C2CD3: variants seen among roughly 807,000 people sequenced by gnomAD.
C2CD3 encodes C2 domain-containing protein 3.
Under a neutral mutation model 234.0 loss-of-function variants are expected in C2CD3, and 148 were observed. The observed-to-expected ratio is 0.63, with a 90% CI of 0.55 to 0.72. The LOEUF (loss-of-function observed/expected upper bound fraction) is 0.72. C2CD3 is among the 30% of genes least tolerant of loss of function. C2CD3 has a pLI of 0.00. For missense variants in C2CD3, 2,577 were observed against 2,811.5 expected (o/e 0.92, Z 1.89); for synonymous variants, 1,000 against 1,035.4 (o/e 0.97, Z 0.66).
At chr11:74,122,187 G>T (rs146319221) in intron 8 of C2CD3, among the ~76,000 whole-genome samples, 313 of 152,266 alleles carry the variant, frequency 2.1e-3, no homozygotes, top group African/African-American at 6.9e-3. Flanking sequence ...TTCTGCACAG[G>T]TCATTCTTTC....
chr11:74,150,907 T>TTTTC (rs750844856), intron 3 of C2CD3, among the ~76,000 whole-genome samples: 8 of 151,932 alleles, frequency 5.3e-5, no homozygotes, highest in South Asian at 4.2e-4. Context: ...ACAGGAGACT[T>TTTTC]TTTCTTTCTT....
chr11:74,170,988 C>A lies in C2CD3; in HGVS notation c.-196G>T, dbSNP rs111423308. The A allele has an allele frequency of 7.9e-7, 1 of 1,269,760 alleles. No homozygotes were observed. The highest frequency in any genetic ancestry group is 1.4e-5 in the South Asian group (1 of 73,954). 78.7% of individuals were successfully genotyped at this position (1,269,760 alleles called of 1,614,324 possible). A position where few individuals can be genotyped will look rare whatever the true frequency, so the allele number is the denominator to read the frequency against. ...GAAGAGAAGGCGCCAAGACGCCTTC[C>A]CTCCAATACACTACAATACCCAGGA... On this transcript the variant is annotated 5_prime_UTR_variant, in exon 1 of 33. Transcript: ENST00000334126.
chr11:74,151,091 A>G (rs1212704044), intron 3 of C2CD3, among the ~76,000 whole-genome samples: 1 of 151,640 alleles, frequency 6.6e-6, no homozygotes, highest in East Asian at 1.9e-4. Context: ...ACACCCAGCT[A>G]ATTTTTGTAT....
rs912034826 is a variant in C2CD3 at position 74,087,836 on chromosome 11, G to A, written c.3642-1950C>T. On this transcript the variant is annotated intron_variant, in intron 20 of 32. Coordinates refer to ENST00000334126, the MANE Select transcript of C2CD3 (RefSeq NM_001286577.2). Reference sequence around the variant, plus strand: ...AGTAGCCTCAATTCCTTAGCTTCACGGCATTTAAAGACTACTGGCTATGTC... The same window carrying A: ...AGTAGCCTCAATTCCTTAGCTTCACAGCATTTAAAGACTACTGGCTATGTC... Among the ~76,000 whole-genome samples the A allele has an allele frequency of 3.2e-4, 49 of 152,084 alleles. 2 individuals carry two copies. The highest frequency in any genetic ancestry group is 2.4e-5 in the African/African-American group (1 of 41,404).
chr11:74,043,535 G>A (rs1027955876), intron 28 of C2CD3, among the ~76,000 whole-genome samples: 1 of 152,166 alleles, frequency 6.6e-6, no homozygotes, highest in African/African-American at 2.4e-5. Flanking sequence ...GTTACTCCAT[G>A]TTTAAGGAAC....
intron 26 of C2CD3, among the ~76,000 whole-genome samples, chr11:74,052,067 C>T (rs1055761236): frequency 1.1e-4 from 16 of 152,162 alleles, no homozygotes; most frequent in Admixed American, 2.6e-4. Flanking sequence ...ACAAGCTTAG[C>T]GTTCCAATAA....
At chr11:74,133,661 G>T in intron 5 of C2CD3, 104 bp from the exon 6 acceptor site, 2 of 1,202,946 alleles carry the variant, frequency 1.7e-6, no homozygotes, top group Non-Finnish European at 2.3e-6. Context: ...AGTGTGTACT[G>T]TAATAGTTTG....
Position 74,132,912 on chromosome 11 carries a change from TG to T in C2CD3, c.1148del (p.Ser383Ter), listed in dbSNP as rs753948257. The T allele has an allele frequency of 6.2e-7, 1 of 1,613,702 alleles. No individual in the cohort carries two copies. Reference protein sequence around the residue: ...KDHIEDHLLPSTENTFWRHDT... With the variant: ...KDHIEDHLLPXTENTFWRHDT... The stretch of plus-strand genomic sequence containing the variant: ...CATGTCTCCAAAATGTATTCTCAGT[TG>T]AAGGGAGGAGGTGATCTTCAATGTG... On this transcript the variant is annotated frameshift_variant, in exon 7 of 33. Transcript: ENST00000334126. LOFTEE classifies it high-confidence loss of function.
At chr11:74,154,929 G>C (rs923991985) in intron 3 of C2CD3, among the ~76,000 whole-genome samples, 1 of 152,172 alleles carries the variant, frequency 6.6e-6, no homozygotes, top group African/African-American at 2.4e-5. Flanking sequence ...ATTTAAAAGA[G>C]TGACCATAGC....
At chr11:74,109,769 C>G (rs1460057063) in intron 11 of C2CD3, among the ~76,000 whole-genome samples, 2 of 151,978 alleles carry the variant, frequency 1.3e-5, no homozygotes, top group African/African-American at 2.4e-5. Flanking sequence ...GGAGTTTTAA[C>G]TGGTAAATAA....
intron 3 of C2CD3, among the ~76,000 whole-genome samples, chr11:74,148,936 T>C (rs915571281): frequency 6.7e-6 from 1 of 150,044 alleles, no homozygotes; most frequent in Non-Finnish European, 1.5e-5. Flanking sequence ...AAAATTAATA[T>C]AACACATGCA....
rs1951941293 is a variant in C2CD3, at chr11:74,018,067, C to T, written c.6922-4542G>A. ...CACTCAAGACCAAGATGCTTTCTCA[C>T]TCTGGGTCTCTCTGGGTCTTAGCTT... On this transcript the variant is annotated intron_variant, in intron 32 of 32. Transcript: ENST00000334126. Among the ~76,000 whole-genome samples, 3 of 152,332 alleles carry T rather than the reference C, an allele frequency of 2.0e-5. No individual in the cohort carries two copies. The South Asian group carries it at 6.2e-4, about 32-fold the overall frequency.
rs377463328 is a variant in C2CD3, at chr11:74,074,340, G to A, written c.4864C>T (p.Arg1622Cys). 8.8e-5 allele frequency: 142 copies of A among 1,614,074 alleles called. No homozygotes were observed. Among genetic ancestry groups the A allele is most frequent in the Middle Eastern group, 1.6e-4 (1 of 6,084 alleles). ...VPCSSTTAEV[R>C]LTQEGPADLD... ...TCAGCAGGGCCCTCCTGCGTCAGGC[G>A]GACTTCAGCTGTGGTGCTGCTGCAG... Residue 1622 changes from arginine to cysteine, a missense_variant, in exon 24 of 33, where the codon CGC becomes TGC. Transcript: ENST00000334126.
intron 9 of C2CD3, among the ~76,000 whole-genome samples, chr11:74,117,143 A>T (rs1391550592): frequency 6.9e-5 from 1 of 14,408 alleles, no homozygotes; most frequent in Non-Finnish European, 1.2e-4. Context: ...TATATATATG[A>T]ATATATATAT....
intron 9 of C2CD3, among the ~76,000 whole-genome samples, chr11:74,115,778 C>T (rs1332759204): frequency 6.6e-6 from 1 of 152,104 alleles, no homozygotes; most frequent in Non-Finnish European, 1.5e-5. Flanking sequence ...AAAATAGACA[C>T]ATAGACCAAT....
chr11:74,145,173 A>C (rs926355002), intron 3 of C2CD3, among the ~76,000 whole-genome samples: 2 of 152,180 alleles, frequency 1.3e-5, no homozygotes, highest in Non-Finnish European at 2.9e-5. Context: ...GAACTGATTT[A>C]TGCTCCCACC....
intron 7 of C2CD3, among the ~76,000 whole-genome samples, chr11:74,127,887 G>A (rs1383688767): frequency 1.3e-5 from 2 of 151,694 alleles, no homozygotes; most frequent in Non-Finnish European, 2.9e-5. Context: ...TTTTGAGACG[G>A]AGTCTCACTC....
At chr11:74,166,090 C>A (rs984925337) in intron 2 of C2CD3, among the ~76,000 whole-genome samples, 1 of 152,026 alleles carries the variant, frequency 6.6e-6, no homozygotes, top group Non-Finnish European at 1.5e-5. Flanking sequence ...GCGAGCAGAT[C>A]GTGAGATCAG....
At chr11:74,167,988 A>AT (rs938584370) in intron 2 of C2CD3, 1 of 213,612 alleles carries the variant, frequency 4.7e-6, no homozygotes, top group Non-Finnish European at 9.5e-6. Flanking sequence ...TGAAAAGAGC[A>AT]TGAGTTTTGG....
Sources: allele counts gnomAD v4.1 joint callset (sites outside exome capture counted in the v4.1 genomes callset), GRCh38; gene constraint gnomAD v4.1.1; transcripts MANE v1.5; gene names NCBI Gene and HGNC (gene_info 2026-07-23, HGNC 2026-07-21).